The following TRAPPC9 variants were observed in gnomAD, a reference collection of about 807,000 sequenced individuals.
The protein encoded by TRAPPC9 is IKK2 binding protein.
Under a neutral mutation model 124.0 loss-of-function variants are expected in TRAPPC9, and 83 were observed. The ratio of observed to expected loss-of-function variants is 0.67; its 90% CI spans 0.56 to 0.80. The LOEUF is 0.80. Among genes scored for constraint, TRAPPC9 ranks in the 30% least tolerant of loss-of-function variants. The pLI is 0.00. For missense variants in TRAPPC9, 1,302 were observed against 1,508.3 expected (o/e 0.86, Z 2.27); for synonymous variants, 638 against 617.5 (o/e 1.03, Z -0.49).
chr8:140,366,906 G>A (rs138377663), intron 8 of TRAPPC9, among the ~76,000 whole-genome samples: 255 of 152,248 alleles, frequency 1.7e-3, no homozygotes, highest in African/African-American at 5.9e-3. Context: ...TAATTAAAAA[G>A]GGGGCAAAAG....
chr8:140,044,467 G>A (rs765306055), intron 17 of TRAPPC9, among the ~76,000 whole-genome samples: 35 of 152,214 alleles, frequency 2.3e-4, no homozygotes, highest in African/African-American at 7.7e-4. Context: ...GGTTCCATAC[G>A]TGCCCAACTT....
At chr8:140,006,205 A>C (rs190313614) in intron 18 of TRAPPC9, among the ~76,000 whole-genome samples, 5 of 152,314 alleles carry the variant, frequency 3.3e-5, no homozygotes, top group Non-Finnish European at 7.3e-5. Flanking sequence ...AGTCTTTGTG[A>C]AGGGTCTCTG....
intron 21 of TRAPPC9, among the ~76,000 whole-genome samples, chr8:139,810,251 A>T (rs1824346364): frequency 6.6e-6 from 1 of 152,190 alleles, no homozygotes; most frequent in African/African-American, 2.4e-5. Context: ...AAACCCTGGG[A>T]GGCGACGCCA....
chr8:139,733,575 G>A lies in TRAPPC9; in HGVS notation c.3056-1373C>T, dbSNP rs561371266. Among the ~76,000 whole-genome samples, 14 of 152,338 alleles carry A rather than the reference G, an allele frequency of 9.2e-5. No individual in the cohort carries two copies. In the South Asian group the frequency reaches 2.9e-3, roughly 32 times the overall value. ...ATCCAAGTACAAACTGCGTGGCCCT[G>A]GGAGCCAGCCTGAGCCCCATGGTCT... On this transcript the variant is annotated intron_variant, in intron 21 of 22. Coordinates refer to ENST00000438773, the MANE Select transcript of TRAPPC9 (RefSeq NM_001160372.4).
intron 9 of TRAPPC9, among the ~76,000 whole-genome samples, chr8:140,313,167 C>G (rs2066346599): frequency 2.6e-5 from 4 of 152,176 alleles, no homozygotes; most frequent in Non-Finnish European, 5.9e-5. Context: ...CTTTAAATAA[C>G]CAAATCATTC....
chr8:140,205,072 T>C (rs1235141027), intron 17 of TRAPPC9, among the ~76,000 whole-genome samples: 5 of 152,186 alleles, frequency 3.3e-5, no homozygotes, highest in African/African-American at 1.2e-4. Context: ...AGGAAGAAAG[T>C]ATGTGTAGGA....
chr8:140,428,637 G>A (rs1483621895), intron 4 of TRAPPC9, among the ~76,000 whole-genome samples: 1 of 152,168 alleles, frequency 6.6e-6, no homozygotes, highest in Non-Finnish European at 1.5e-5. Context: ...AAGCCTCTGT[G>A]AGCCTCATCT....
At chr8:140,429,898 G>A (rs190590346) in intron 4 of TRAPPC9, among the ~76,000 whole-genome samples, 1 of 150,358 alleles carries the variant, frequency 6.7e-6, no homozygotes, top group Admixed American at 6.6e-5. Context: ...TGTAATTCCA[G>A]CACTTTGGGA....
At chr8:140,146,175 A>G (rs916095198) in intron 17 of TRAPPC9, among the ~76,000 whole-genome samples, 1 of 152,288 alleles carries the variant, frequency 6.6e-6, no homozygotes, top group African/African-American at 2.4e-5. Context: ...AGAATTTGGA[A>G]ATGTTATATA....
chr8:140,183,228 T>C (rs1423961269), intron 17 of TRAPPC9, among the ~76,000 whole-genome samples: 1 of 152,120 alleles, frequency 6.6e-6, no homozygotes, highest in Non-Finnish European at 1.5e-5. Context: ...TGCTTGGAGG[T>C]GTTCACAGTG....
intron 17 of TRAPPC9, among the ~76,000 whole-genome samples, chr8:140,101,280 C>T (rs1225402338): frequency 6.6e-6 from 1 of 152,012 alleles, no homozygotes; most frequent in African/African-American, 2.4e-5. Flanking sequence ...GCTGAAACTA[C>T]AGGTCCACAC....
At chr8:140,150,904 A>G (rs2130825509) in intron 17 of TRAPPC9, among the ~76,000 whole-genome samples, 3 of 152,350 alleles carry the variant, frequency 2.0e-5, no homozygotes, top group Middle Eastern at 6.8e-3. Context: ...GTTTGTTTCA[A>G]TGCTGTGGAC....
At chr8:139,965,914 G>A (rs113811948) in intron 19 of TRAPPC9, among the ~76,000 whole-genome samples, 7 of 152,212 alleles carry the variant, frequency 4.6e-5, no homozygotes, top group Admixed American at 2.0e-4. Flanking sequence ...CTGACATCTC[G>A]GGCTGACATC....
rs73372852 is a variant in TRAPPC9, at chr8:140,346,883, G to A, written c.1495+13167C>T. ...GAGATTCACACCAGAAATTAAAATC[G>A]TCACCACTGTGTCCACTCGGCTGAG... On this transcript the variant is annotated intron_variant, in intron 9 of 22. Coordinates refer to ENST00000438773, the MANE Select transcript of TRAPPC9 (RefSeq NM_001160372.4). Among the ~76,000 whole-genome samples the A allele has an allele frequency of 8.6e-3, 1,311 of 152,306 alleles. 19 individuals carry two copies. The highest frequency in any genetic ancestry group is 0.031 in the African/African-American group (1,274 of 41,560).
intron 17 of TRAPPC9, among the ~76,000 whole-genome samples, chr8:140,112,506 A>G (rs1474344433): frequency 6.6e-6 from 1 of 152,210 alleles, no homozygotes; most frequent in Non-Finnish European, 1.5e-5. Context: ...AATTCCAGAT[A>G]ATGTCAGAGC....
chr8:139,816,227 G>A (rs1015988637), intron 21 of TRAPPC9, among the ~76,000 whole-genome samples: 2 of 152,160 alleles, frequency 1.3e-5, no homozygotes, highest in African/African-American at 4.8e-5. Context: ...GGCAAAGCGG[G>A]GCCTGGGTGA....
At chr8:139,747,164 CAA>C (rs1818954404) in intron 21 of TRAPPC9, among the ~76,000 whole-genome samples, 1 of 152,204 alleles carries the variant, frequency 6.6e-6, no homozygotes, top group Non-Finnish European at 1.5e-5. Context: ...CTAAATAAAG[CAA>C]AGACTCTCGC....
At chr8:140,222,323 T>C (rs910944801) in intron 16 of TRAPPC9, among the ~76,000 whole-genome samples, 3 of 152,190 alleles carry the variant, frequency 2.0e-5, no homozygotes, top group African/African-American at 7.2e-5. Context: ...GTTAACAGTA[T>C]CTATCGATTG....
intron 11 of TRAPPC9, among the ~76,000 whole-genome samples, chr8:140,295,922 A>G (rs2065790894): frequency 1.3e-5 from 2 of 152,210 alleles, no homozygotes; most frequent in African/African-American, 2.4e-5. Flanking sequence ...AACTTGCGTT[A>G]TATCTCAGAA....
Sources: allele counts gnomAD v4.1 joint callset (sites outside exome capture counted in the v4.1 genomes callset), GRCh38; gene constraint gnomAD v4.1.1; transcripts MANE v1.5; gene names NCBI Gene and HGNC (gene_info 2026-07-23, HGNC 2026-07-21).